Variants in SAMMSON observed in about 807,000 individuals in gnomAD.
SAMMSON encodes the protein long intergenic non-protein coding RNA 1212.
chr3:70,268,196 C>T (rs1469991871), intron 6 of SAMMSON, among the ~76,000 whole-genome samples: 2 of 152,096 alleles, frequency 1.3e-5, no homozygotes, highest in Non-Finnish European at 2.9e-5. Flanking sequence ...TCCGGCTGGG[C>T]GCGGTAGCTC....
chr3:70,092,915 T>TC (rs2067310134), intron 4 of SAMMSON, among the ~76,000 whole-genome samples: 1 of 145,874 alleles, frequency 6.9e-6, no homozygotes, highest in Admixed American at 6.9e-5. Context: ...TTTTTTTTTT[T>TC]GTTTTTTTTT....
At chr3:70,010,231 C>A (rs1346188886) in intron 1 of SAMMSON, among the ~76,000 whole-genome samples, 2 of 151,680 alleles carry the variant, frequency 1.3e-5, no homozygotes, top group East Asian at 3.9e-4. Context: ...CTAATGTTGA[C>A]CGTGGGGTGT....
chr3:70,146,100 C>A (rs2067547748), intron 4 of SAMMSON, among the ~76,000 whole-genome samples: 1 of 151,864 alleles, frequency 6.6e-6, no homozygotes, highest in South Asian at 2.1e-4. Context: ...ACCTTTTCCC[C>A]AAAAACTATA....
At chr3:70,285,972 G>A (rs1702157980) in intron 6 of SAMMSON, among the ~76,000 whole-genome samples, 2 of 151,556 alleles carry the variant, frequency 1.3e-5, no homozygotes, top group Admixed American at 6.6e-5. Context: ...TTTGTCAGAT[G>A]AGTAGGTTGT....
chr3:70,363,567 C>T (rs945101629), intron 9 of SAMMSON, among the ~76,000 whole-genome samples: 5 of 151,922 alleles, frequency 3.3e-5, no homozygotes, highest in African/African-American at 9.7e-5. Flanking sequence ...ATCCCATTTA[C>T]AATAACTATT....
intron 2 of SAMMSON, among the ~76,000 whole-genome samples, chr3:70,396,793 G>A (rs1374756803): frequency 6.6e-6 from 1 of 152,072 alleles, no homozygotes; most frequent in African/African-American, 2.4e-5. Flanking sequence ...TTCTTACAAG[G>A]AGCAGGAATG....
chr3:70,282,226 G>A lies in SAMMSON; in HGVS notation n.675-8953G>A, dbSNP rs962144428. On this transcript the variant is annotated intron_variant and non_coding_transcript_variant, in intron 6 of 9. Transcript: ENST00000642114. The stretch of plus-strand genomic sequence containing the variant: ...TCCTGGCAGTATTTGCTGTCTCAGG[G>A]ATTGGCTTTCTGTGCAGTGAGCAAT... Among the ~76,000 whole-genome samples the A allele has an allele frequency of 5.7e-4, 87 of 152,218 alleles. 1 individual carries two copies. The highest frequency in any genetic ancestry group is 2.0e-3 in the African/African-American group (85 of 41,540).
At chr3:70,008,614 C>A (rs377379049) in intron 1 of SAMMSON, among the ~76,000 whole-genome samples, 10 of 152,106 alleles carry the variant, frequency 6.6e-5, no homozygotes, top group Non-Finnish European at 8.8e-5. Flanking sequence ...TCTTTTCCTA[C>A]TTGAATACCC....
In SAMMSON at chr3:70,124,197, G is replaced by A. The variant is rs2067446255; in HGVS notation, n.507+52632G>A. 2.0e-5 allele frequency among the ~76,000 whole-genome samples: 3 copies of A among 152,186 alleles called. No individual in the cohort carries two copies. In the South Asian group the frequency reaches 6.2e-4, roughly 31 times the overall value. ...CCTACCATATCTCTAGCACACAGCA[G>A]AGAGCCTACCTCACAGAACTTATTA... On this transcript the variant is annotated intron_variant and non_coding_transcript_variant, in intron 4 of 9. Transcript: ENST00000642114.
At chr3:70,394,183 AG>A (rs1701072457), downstream of SAMMSON, among the ~76,000 whole-genome samples, 1 of 152,178 alleles carries the variant, frequency 6.6e-6, no homozygotes, top group African/African-American at 2.4e-5. Flanking sequence ...TTCTGATCAC[AG>A]GTTTTGCTAC....
intron 3 of SAMMSON, among the ~76,000 whole-genome samples, chr3:70,034,500 G>T (rs1454797803): frequency 6.6e-6 from 1 of 152,156 alleles, no homozygotes; most frequent in Non-Finnish European, 1.5e-5. Flanking sequence ...AGTTTGATCT[G>T]TGGGTGATTT....
intron 4 of SAMMSON, chr3:70,125,476 A>G: frequency 1.3e-6 from 1 of 786,946 alleles, no homozygotes; most frequent in Non-Finnish European, 2.1e-6. Context: ...GCATTTCATC[A>G]GAGTCTTTTT....
intron 6 of SAMMSON, among the ~76,000 whole-genome samples, chr3:70,263,298 T>G (rs1701885459): frequency 6.6e-6 from 1 of 152,168 alleles, no homozygotes; most frequent in Non-Finnish European, 1.5e-5. Context: ...AAAAAAATAT[T>G]CTTTTAAGTG....
At chr3:70,247,501 A>T (rs964371200) in intron 4 of SAMMSON, among the ~76,000 whole-genome samples, 38 of 151,688 alleles carry the variant, frequency 2.5e-4, no homozygotes, top group African/African-American at 8.4e-4. Context: ...TTAGTTGAAA[A>T]TTTTCTAGAG....
At chr3:70,176,894 G>C (rs559122121) in intron 4 of SAMMSON, among the ~76,000 whole-genome samples, 3 of 152,176 alleles carry the variant, frequency 2.0e-5, no homozygotes, top group South Asian at 4.1e-4. Context: ...CTCTTCAACC[G>C]GGTGGAGAAT....
chr3:70,371,382 G>T (rs1702967785), intron 9 of SAMMSON, among the ~76,000 whole-genome samples: 1 of 151,802 alleles, frequency 6.6e-6, no homozygotes, highest in South Asian at 2.1e-4. Context: ...GGATTGCCTT[G>T]AATCTGTAGA....
chr3:70,164,015 A>G (rs1050503655), intron 4 of SAMMSON, among the ~76,000 whole-genome samples: 4 of 152,030 alleles, frequency 2.6e-5, no homozygotes, highest in Admixed American at 6.6e-5. Flanking sequence ...CTGGCAAAGT[A>G]ATCCCTTTAA....
chr3:70,238,911 T>C (rs1701638723), intron 4 of SAMMSON, among the ~76,000 whole-genome samples: 1 of 152,232 alleles, frequency 6.6e-6, no homozygotes, highest in African/African-American at 2.4e-5. Context: ...TTCCCATCTC[T>C]TTTTAGAGGA....
intron 9 of SAMMSON, among the ~76,000 whole-genome samples, chr3:70,361,925 A>G (rs1015030381): frequency 2.6e-5 from 4 of 152,216 alleles, no homozygotes; most frequent in African/African-American, 9.6e-5. Context: ...CTACAGGATT[A>G]CCTAGAGCAG....
Sources: allele counts gnomAD v4.1 joint callset (sites outside exome capture counted in the v4.1 genomes callset), GRCh38; gene constraint gnomAD v4.1.1; transcripts MANE v1.5; gene names NCBI Gene and HGNC (gene_info 2026-07-23, HGNC 2026-07-21).